Variants in USH2A observed in about 807,000 individuals in gnomAD.
USH2A encodes usherin, also known as Usher syndrome 2A (autosomal recessive, mild).
A neutral mutation model predicts 538.9 loss-of-function variants in USH2A; 443 were observed. That is an observed-to-expected ratio of 0.82 (90% CI 0.76 to 0.89). The LOEUF is 0.89. Among genes scored for constraint, USH2A ranks in the 40% least tolerant of loss-of-function variants. The pLI, the probability that USH2A is intolerant of heterozygous loss-of-function variation, is 0.00. For synonymous variants in USH2A, 2,413 were observed against 2,273.5 expected (o/e 1.06, Z -1.75); for missense variants, 6,633 against 6,324.8 (o/e 1.05, Z -1.65).
chr1:216,349,284 A>T (rs1391128045), intron 4 of USH2A, among the ~76,000 whole-genome samples: 1 of 152,096 alleles, frequency 6.6e-6, no homozygotes, highest in African/African-American at 2.4e-5. Flanking sequence ...ATGGATCTTC[A>T]TCCCTCTACA....
intron 55 of USH2A, among the ~76,000 whole-genome samples, chr1:215,769,608 A>G (rs1368232723): frequency 6.6e-6 from 1 of 152,114 alleles, no homozygotes; most frequent in Non-Finnish European, 1.5e-5. Context: ...AGTGCATCAA[A>G]GGAGTTTGCT....
At chr1:215,697,697 T>A (rs1468260123) in intron 61 of USH2A, among the ~76,000 whole-genome samples, 1 of 152,068 alleles carries the variant, frequency 6.6e-6, no homozygotes, top group Non-Finnish European at 1.5e-5. Context: ...AATTTTGTAT[T>A]TTTAGTAGAG....
At chr1:215,630,515 T>G (rs967130071) in intron 70 of USH2A, among the ~76,000 whole-genome samples, 9 of 102,116 alleles carry the variant, frequency 8.8e-5, no homozygotes, top group South Asian at 3.0e-4. Flanking sequence ...TATATATATA[T>G]ATATATATAT....
chr1:215,733,935 G>A (rs2102719046), intron 60 of USH2A, among the ~76,000 whole-genome samples: 1 of 152,262 alleles, frequency 6.6e-6, no homozygotes, highest in South Asian at 2.1e-4. Flanking sequence ...CATGGTTTCT[G>A]GGACCTAGAG....
At position 215,877,769 on chromosome 1, in the gene USH2A, C is replaced by T; in HGVS notation, c.8670G>A (p.Lys2890=). ...TTTTGTAATCTCACCTGCTAAGACC[C>T]TTATCTTCATAAAGCCACTGAGTTC... The part of the protein sequence containing the change: ...YSGTQWLYED[K]GLSRFTTYEY... Residue 2890 remains lysine (K), a synonymous_variant, in exon 43 of 72, where the codon AAG becomes AAA. Transcript: ENST00000307340. 1 of 1,613,682 alleles carries T rather than the reference C, an allele frequency of 6.2e-7. No individual in the cohort carries two copies. Among genetic ancestry groups the T allele is most frequent in the Non-Finnish European group, 8.5e-7 (1 of 1,179,636 alleles).
At chr1:215,849,850 C>T (rs1446387220) in intron 44 of USH2A, among the ~76,000 whole-genome samples, 6 of 152,144 alleles carry the variant, frequency 3.9e-5, no homozygotes, top group Non-Finnish European at 8.8e-5. Flanking sequence ...ATTTTATACA[C>T]ATTTAAATGG....
chr1:216,111,343 T>C (rs1275691760), intron 21 of USH2A, among the ~76,000 whole-genome samples: 2 of 152,294 alleles, frequency 1.3e-5, no homozygotes, highest in Middle Eastern at 3.4e-3. Flanking sequence ...GAGACGAGGA[T>C]GAAAGGTGTC....
In USH2A at chr1:215,820,838, A is replaced by G. The variant is rs894207682; in HGVS notation, c.9372-3643T>C. ...TCCCACATATGAAAGAGAACATGCA[A>G]TGTTTGTCTTTCTATGCCTGACTTA... On this transcript the variant is annotated intron_variant, in intron 47 of 71. Coordinates refer to ENST00000307340, the MANE Select transcript of USH2A (RefSeq NM_206933.4). Among the ~76,000 whole-genome samples, 15 of 151,752 alleles carry G rather than the reference A, an allele frequency of 9.9e-5. 1 individual carries two copies. The highest frequency in any genetic ancestry group is 2.7e-4 in the African/African-American group (11 of 41,364).
At chr1:216,379,153 C>T (rs1272834370) in intron 3 of USH2A, among the ~76,000 whole-genome samples, 1 of 152,116 alleles carries the variant, frequency 6.6e-6, no homozygotes, top group East Asian at 1.9e-4. Context: ...CAGACTGTCA[C>T]TCCAAATGCT....
At chr1:216,013,793 C>T (rs1469237296) in intron 32 of USH2A, among the ~76,000 whole-genome samples, 8 of 152,118 alleles carry the variant, frequency 5.3e-5, no homozygotes, top group Admixed American at 1.3e-4. Flanking sequence ...CTCAGCCCAC[C>T]TGCACCCAGG....
chr1:215,715,224 T>G (rs1325553921), intron 61 of USH2A, among the ~76,000 whole-genome samples: 2 of 152,188 alleles, frequency 1.3e-5, no homozygotes, highest in Non-Finnish European at 2.9e-5. Flanking sequence ...CACTTACAAG[T>G]GAGAACATGT....
intron 44 of USH2A, 68 bp from the exon 45 acceptor site, chr1:215,846,101 C>T: frequency 6.9e-7 from 1 of 1,456,922 alleles, no homozygotes; most frequent in South Asian, 1.2e-5. Context: ...AAAATTCTAT[C>T]ATTAGCTTTC....
chr1:215,708,255 T>C (rs1659239093), intron 61 of USH2A, among the ~76,000 whole-genome samples: 1 of 152,218 alleles, frequency 6.6e-6, no homozygotes, highest in South Asian at 2.1e-4. Context: ...TTATTGTCTT[T>C]ATCTCCCCAC....
At chr1:216,309,878 C>A (rs1029017183) in intron 9 of USH2A, among the ~76,000 whole-genome samples, 1 of 152,098 alleles carries the variant, frequency 6.6e-6, no homozygotes, top group African/African-American at 2.4e-5. Context: ...ACCAGTCTTG[C>A]AAACCTGAGA....
intron 21 of USH2A, among the ~76,000 whole-genome samples, chr1:216,166,923 C>T (rs2034181482): frequency 6.6e-6 from 1 of 152,068 alleles, no homozygotes; most frequent in African/African-American, 2.4e-5. Flanking sequence ...AATGATATGG[C>T]CACCATTGCC....
chr1:216,010,600 T>C (rs905186948), intron 32 of USH2A, among the ~76,000 whole-genome samples: 3 of 151,908 alleles, frequency 2.0e-5, no homozygotes, highest in Non-Finnish European at 2.9e-5. Context: ...CCACATCACC[T>C]TCTTTTCAAG....
intron 25 of USH2A, among the ~76,000 whole-genome samples, chr1:216,084,434 G>C (rs986243617): frequency 1.3e-5 from 2 of 152,076 alleles, no homozygotes; most frequent in African/African-American, 4.8e-5. Context: ...TTTGCAAATG[G>C]ACATTGGTGA....
At chr1:216,335,212 A>G (rs1216541696) in intron 4 of USH2A, among the ~76,000 whole-genome samples, 1 of 151,760 alleles carries the variant, frequency 6.6e-6, no homozygotes, top group Non-Finnish European at 1.5e-5. Context: ...TCAAAGAAGA[A>G]ATTACAAAAA....
At chr1:215,683,248 C>G (rs1658301514) in intron 61 of USH2A, among the ~76,000 whole-genome samples, 1 of 11,754 alleles carries the variant, frequency 8.5e-5, no homozygotes, top group Admixed American at 1.2e-3. Flanking sequence ...CACACACACA[C>G]ACACACGCAC....
Sources: allele counts gnomAD v4.1 joint callset (sites outside exome capture counted in the v4.1 genomes callset), GRCh38; gene constraint gnomAD v4.1.1; transcripts MANE v1.5; gene names NCBI Gene and HGNC (gene_info 2026-07-23, HGNC 2026-07-21).